The following GARRE1 variants were observed in gnomAD, a reference collection of about 807,000 sequenced individuals.
The protein encoded by GARRE1 is granule associated Rac and RHOG effector 1, also known as granule associated Rac and RHOG effector protein 1.
A neutral mutation model predicts 103.2 loss-of-function variants in GARRE1; 49 were observed. The observed-to-expected ratio is 0.47, with a 90% CI of 0.38 to 0.60. The LOEUF (loss-of-function observed/expected upper bound fraction) is 0.60. Ranked by LOEUF, GARRE1 falls within the 20% of genes least tolerant of loss-of-function variation. The pLI is 0.00. For synonymous variants in GARRE1, 505 were observed against 532.8 expected (o/e 0.95, Z 0.72); for missense variants, 1,199 against 1,370.5 (o/e 0.87, Z 1.98).
In GARRE1 at chr19:34,352,756, G is replaced by A; in HGVS notation, c.3014G>A (p.Gly1005Asp). The A allele has an allele frequency of 2.5e-6, 4 of 1,614,010 alleles. No individual in the cohort carries two copies. Among genetic ancestry groups the A allele is most frequent in the Non-Finnish European group, 3.4e-6 (4 of 1,180,022 alleles). Reference protein sequence around the residue: ...SAPLYAVTSPGSQWNDTMQML... With the variant: ...SAPLYAVTSPDSQWNDTMQML... ...CCACTCTATGCAGTCACCAGCCCTGGCAGCCAGTGGAACGACACCATGCAG... is the reference window on the plus strand; with the variant it reads ...CCACTCTATGCAGTCACCAGCCCTGACAGCCAGTGGAACGACACCATGCAG... Residue 1005 changes from glycine to aspartate, a missense_variant, in exon 14 of 14, where the codon GGC (glycine) becomes GAC (aspartate). Transcript: ENST00000299505.
chr19:34,303,672 A>G (rs911145853), intron 2 of GARRE1, among the ~76,000 whole-genome samples: 3 of 151,262 alleles, frequency 2.0e-5, no homozygotes, highest in Non-Finnish European at 3.0e-5. Context: ...CTGGAGTGCA[A>G]TGGCGTGATC....
At chr19:34,327,687 A>C in intron 4 of GARRE1, 84 bp from the exon 5 acceptor site, 1 of 1,489,550 alleles carries the variant, frequency 6.7e-7, no homozygotes, top group East Asian at 2.3e-5. Context: ...TAGCTATAGA[A>C]ATTTAAGATT....
At chr19:34,321,458 G>T (rs1009455920) in intron 3 of GARRE1, among the ~76,000 whole-genome samples, 8 of 149,802 alleles carry the variant, frequency 5.3e-5, no homozygotes, top group Non-Finnish European at 1.0e-4. Context: ...GTGACTTCAT[G>T]AAGTTTTTTT....
At chr19:34,315,269 G>T (rs1291522044) in intron 2 of GARRE1, among the ~76,000 whole-genome samples, 2 of 152,108 alleles carry the variant, frequency 1.3e-5, no homozygotes, top group African/African-American at 4.8e-5. Context: ...GGGTGGACTT[G>T]GGCACTCCAT....
chr19:34,327,638 C>A, intron 4 of GARRE1, 77 bp downstream of exon 4: 1 of 1,542,950 alleles, frequency 6.5e-7, no homozygotes, highest in South Asian at 1.1e-5. Context: ...GATGTTGAAT[C>A]AATTAGAAAG....
intron 3 of GARRE1, among the ~76,000 whole-genome samples, chr19:34,321,851 A>G (rs907511548): frequency 6.6e-6 from 1 of 152,192 alleles, no homozygotes; most frequent in African/African-American, 2.4e-5. Context: ...TCTAGCCATC[A>G]TGCAAGAGCT....
chr19:34,312,882 G>T (rs1316515678), intron 2 of GARRE1, among the ~76,000 whole-genome samples: 1 of 152,096 alleles, frequency 6.6e-6, no homozygotes, highest in Non-Finnish European at 1.5e-5. Context: ...AGCCAAGATC[G>T]TGCCATTGCA....
chr19:34,348,946 C>G (rs1022072886), intron 11 of GARRE1, 70 bp from the exon 12 acceptor site: 1 of 1,584,456 alleles, frequency 6.3e-7, no homozygotes, highest in African/African-American at 1.3e-5. Context: ...AAGGACTGCC[C>G]TTTCAGGGTG....
intron 8 of GARRE1, among the ~76,000 whole-genome samples, chr19:34,339,655 T>C (rs1177180841): frequency 1.3e-5 from 2 of 152,330 alleles, no homozygotes; most frequent in African/African-American, 4.8e-5. Flanking sequence ...TATTCTGATA[T>C]CATGAGACCT....
chr19:34,313,471 G>A (rs750027438), intron 2 of GARRE1, among the ~76,000 whole-genome samples: 15 of 152,220 alleles, frequency 9.9e-5, no homozygotes, highest in Non-Finnish European at 2.1e-4. Context: ...GAGTGTCCCT[G>A]TCAGATGGGG....
intron 2 of GARRE1, among the ~76,000 whole-genome samples, chr19:34,308,109 T>C (rs2074019237): frequency 6.6e-6 from 1 of 152,016 alleles, no homozygotes; most frequent in African/African-American, 2.4e-5. Context: ...AATTCAGGTA[T>C]ATTAACATTT....
chr19:34,352,387 C>G (rs1280009384), intron 13 of GARRE1, among the ~76,000 whole-genome samples: 1 of 147,314 alleles, frequency 6.8e-6, no homozygotes, highest in African/African-American at 2.5e-5. Flanking sequence ...GGGCGAGAGA[C>G]AGACTGCATC....
chr19:34,294,636 C>T (rs112525028), intron 1 of GARRE1, among the ~76,000 whole-genome samples: 1 of 143,558 alleles, frequency 7.0e-6, no homozygotes, highest in Non-Finnish European at 1.5e-5. Flanking sequence ...GTTGTTTTTT[C>T]CCTTTATATG....
intron 10 of GARRE1, 100 bp from the exon 11 acceptor site, chr19:34,347,777 C>T (rs915924390): frequency 1.7e-6 from 2 of 1,163,010 alleles, no homozygotes; most frequent in African/African-American, 3.2e-5. Flanking sequence ...CTCCTCACTG[C>T]CTTTCATTGC....
In GARRE1 at chr19:34,352,616, A is replaced by G. The variant is rs758765692; in HGVS notation, c.2905-31A>G. 2.5e-6 allele frequency: 4 copies of G among 1,579,558 alleles called. No homozygotes were observed. In the Admixed American group the frequency reaches 6.7e-5, roughly 27 times the overall value. On this transcript the variant is annotated intron_variant, in intron 13 of 13. Transcript: ENST00000299505. ...GGGAAATGATGATACATTGCCCGAA[A>G]TGCCACTAAGAACTCTCTTTTGTTT...
chr19:34,311,854 C>A (rs1455692346), intron 2 of GARRE1, among the ~76,000 whole-genome samples: 1 of 151,916 alleles, frequency 6.6e-6, no homozygotes, highest in Non-Finnish European at 1.5e-5. Context: ...CAGGTGATCC[C>A]CCTGCCCTGG....
At chr19:34,305,520 C>G (rs1248537751) in intron 2 of GARRE1, among the ~76,000 whole-genome samples, 1 of 152,210 alleles carries the variant, frequency 6.6e-6, no homozygotes, top group Non-Finnish European at 1.5e-5. Context: ...TTTATTTTAA[C>G]CTGAGCATTA....
At chr19:34,257,938 G>A (rs1183661984) in intron 1 of GARRE1, among the ~76,000 whole-genome samples, 2 of 142,098 alleles carry the variant, frequency 1.4e-5, no homozygotes, top group Non-Finnish European at 3.0e-5. Flanking sequence ...TGCCCAGACT[G>A]GAGTGCAGTG....
chr19:34,341,940 C>A lies in GARRE1; in HGVS notation c.2006C>A (p.Thr669Lys). 1.2e-6 allele frequency: 2 copies of A among 1,614,178 alleles called. No individual in the cohort carries two copies. Among genetic ancestry groups the A allele is most frequent in the Admixed American group, 1.7e-5 (1 of 60,024 alleles). ...GQSHQGSPLV[T>K]RHNSAATAMV... ...TCACATCAGGGCTCTCCGTTGGTGA[C>A]AAGGCATAATTCTGCTGCCACAGCC... is the stretch of plus-strand genomic sequence containing the variant. Residue 669 changes from threonine (T) to lysine (K), a missense_variant, in exon 10 of 14, where the codon ACA (threonine) becomes AAA (lysine). Physicochemically the swap from Thr to Lys is moderately conservative, Grantham distance 78. Transcript: ENST00000299505.
Sources: allele counts gnomAD v4.1 joint callset (sites outside exome capture counted in the v4.1 genomes callset), GRCh38; gene constraint gnomAD v4.1.1; transcripts MANE v1.5; gene names NCBI Gene and HGNC (gene_info 2026-07-23, HGNC 2026-07-21).